Variants in CD99L2 observed in about 807,000 individuals in gnomAD.
CD99L2 encodes the protein CD99 molecule like 2.
Under a neutral mutation model 27.3 loss-of-function variants are expected in CD99L2, and 24 were observed. The observed-to-expected ratio is 0.88, with a 90% confidence interval of 0.64 to 1.24. The LOEUF (loss-of-function observed/expected upper bound fraction) is 1.24. Ranked by LOEUF, CD99L2 falls within the 50% of genes most tolerant of loss-of-function variation. CD99L2 has a pLI of 0.00. For synonymous variants in CD99L2, 97 were observed against 87.9 expected, an observed-to-expected ratio of 1.10 and a Z score of -0.58; for missense variants, 255 against 221.6, an observed-to-expected ratio of 1.15 and a Z score of -0.96.
At chrX:150,799,038 C>T (rs2045860246) in intron 4 of CD99L2, among the ~76,000 whole-genome samples, 1 of 112,399 alleles carries the variant, frequency 8.9e-6, no homozygotes, top group Admixed American at 9.4e-5. Flanking sequence ...GGCATGTGCA[C>T]CATGCTCAGC....
chrX:150,891,677 T>C (rs1445783348), intron 1 of CD99L2, among the ~76,000 whole-genome samples: 4 of 112,086 alleles, frequency 3.6e-5, no homozygotes, highest in African/African-American at 1.3e-4. Context: ...GGGCTCATTA[T>C]TATTCTTTCT....
intron 3 of CD99L2, among the ~76,000 whole-genome samples, chrX:150,815,719 T>G (rs2046143199): frequency 8.9e-6 from 1 of 112,024 alleles, no homozygotes; most frequent in Non-Finnish European, 1.9e-5. Context: ...CCTAAACAAT[T>G]ACATTTTCCC....
chrX:150,843,132 T>G (rs2046647039), intron 1 of CD99L2, among the ~76,000 whole-genome samples: 1 of 112,262 alleles, frequency 8.9e-6, no homozygotes, highest in South Asian at 3.7e-4. Context: ...GACCCCTGGC[T>G]GCCAAAGATT....
chrX:150,805,840 C>T (rs1315846871), intron 4 of CD99L2, among the ~76,000 whole-genome samples: 1 of 111,727 alleles, frequency 9.0e-6, no homozygotes, highest in Non-Finnish European at 1.9e-5. Flanking sequence ...CCAAATGCTA[C>T]AGATGGAGAA....
rs2043359465 is a variant in CD99L2 at position 150,768,985 on chromosome X, G to C, written c.*49C>G. ...CCAAATGAAGGGGTGGGGGGAGCCG[G>C]GTGACAAGCGGTGGCACCATTGTGC... On this transcript the variant is annotated 3_prime_UTR_variant, in exon 11 of 11. Coordinates refer to ENST00000370377, the MANE Select transcript of CD99L2 (RefSeq NM_031462.4). 9.0e-7 allele frequency: 1 copy of C among 1,114,008 alleles called. No homozygotes were observed. The highest frequency in any genetic ancestry group is 3.7e-5 in the Admixed American group (1 of 27,383). 91.8% of individuals were successfully genotyped at this position (1,114,008 alleles called of 1,213,427 possible). A position where few individuals can be genotyped will look rare whatever the true frequency, so the allele number is the denominator to read the frequency against.
chrX:150,881,942 T>C (rs201505719), intron 1 of CD99L2, among the ~76,000 whole-genome samples: 6 of 107,922 alleles, frequency 5.6e-5, no homozygotes, highest in Non-Finnish European at 7.7e-5. Context: ...CTCAGCCTCC[T>C]GAGTAGCTGG....
intron 1 of CD99L2, among the ~76,000 whole-genome samples, chrX:150,896,392 C>T (rs1459456675): frequency 9.0e-6 from 1 of 111,645 alleles, no homozygotes; most frequent in African/African-American, 3.3e-5. Context: ...AGCTAGACTC[C>T]GTCTCAAAAA....
intron 7 of CD99L2, among the ~76,000 whole-genome samples, chrX:150,785,858 T>A (rs1178047645): frequency 8.9e-6 from 1 of 112,457 alleles, no homozygotes; most frequent in Non-Finnish European, 1.9e-5. Flanking sequence ...TGTATCACAG[T>A]TTGTCGATCA....
chrX:150,872,331 G>C (rs1344151209), intron 1 of CD99L2, among the ~76,000 whole-genome samples: 3 of 109,857 alleles, frequency 2.7e-5, no homozygotes, highest in Non-Finnish European at 3.8e-5. Context: ...GACAGAAAAT[G>C]TTCTGTCTTG....
intron 1 of CD99L2, among the ~76,000 whole-genome samples, chrX:150,868,545 T>C (rs1311125453): frequency 8.9e-6 from 1 of 111,957 alleles, no homozygotes; most frequent in African/African-American, 3.2e-5. Context: ...GAAACATATA[T>C]TCTTGTTAAC....
In CD99L2 at chrX:150,793,358, G is replaced by C. The variant is rs145035313; in HGVS notation, c.496+333C>G. Reference sequence around the variant, plus strand: ...CATCCCAAGAGTGAGTGAGTCTCTTGAGGTTGAGAGGGCTGCTTTCAGAGT... The same window carrying C: ...CATCCCAAGAGTGAGTGAGTCTCTTCAGGTTGAGAGGGCTGCTTTCAGAGT... On this transcript the variant is annotated intron_variant, in intron 7 of 10. Coordinates refer to ENST00000370377, the MANE Select transcript of CD99L2 (RefSeq NM_031462.4). Among the ~76,000 whole-genome samples, 183 of 112,777 alleles carry C rather than the reference G, an allele frequency of 1.6e-3. 1 individual carries two copies. Among genetic ancestry groups the C allele is most frequent in the African/African-American group, 4.9e-3 (153 of 31,079 alleles).
rs533399557 is a variant in CD99L2 at position 150,803,403 on chromosome X, G to C, written c.278-7917C>G. 9.8e-5 allele frequency among the ~76,000 whole-genome samples: 11 copies of C among 111,899 alleles called. No individual in the cohort carries two copies. The South Asian group carries it at 4.1e-3, about 42-fold the overall frequency. On this transcript the variant is annotated intron_variant, in intron 4 of 10. Coordinates refer to ENST00000370377, the MANE Select transcript of CD99L2 (RefSeq NM_031462.4). ...ACACATCCTATCATAATCCCAGTAA[G>C]TTTTTTTCTAGACTAGGCAAAGACA...
intron 1 of CD99L2, among the ~76,000 whole-genome samples, chrX:150,858,546 G>C (rs1225613910): frequency 2.7e-5 from 3 of 112,098 alleles, no homozygotes; most frequent in Non-Finnish European, 3.8e-5. Flanking sequence ...ATAACAAGAA[G>C]AACTTTGGAA....
At chrX:150,771,676 A>G (rs1328033586) in intron 9 of CD99L2, 28 of 743,781 alleles carry the variant, frequency 3.8e-5, no homozygotes, top group Non-Finnish European at 5.1e-5. Context: ...GGTCCTGGTT[A>G]CAGCCACGTC....
intron 4 of CD99L2, among the ~76,000 whole-genome samples, chrX:150,814,149 C>CA (rs1557420409): frequency 8.9e-6 from 1 of 112,090 alleles, no homozygotes; most frequent in Non-Finnish European, 1.9e-5. Context: ...TGCAATGTTA[C>CA]AAAACCATGA....
intron 1 of CD99L2, among the ~76,000 whole-genome samples, chrX:150,836,166 A>G (rs900858969): frequency 1.8e-5 from 2 of 111,486 alleles, no homozygotes; most frequent in African/African-American, 6.5e-5. Context: ...ATCAGTTCTC[A>G]AGCAAACCAT....
chrX:150,887,913 A>G (rs1557422677), intron 1 of CD99L2, among the ~76,000 whole-genome samples: 1 of 112,303 alleles, frequency 8.9e-6, no homozygotes, highest in African/African-American at 3.2e-5. Context: ...CGCCATCACA[A>G]TAGAGCTACA....
At chrX:150,863,291 C>T (rs185593950) in intron 1 of CD99L2, among the ~76,000 whole-genome samples, 42 of 112,255 alleles carry the variant, frequency 3.7e-4, no homozygotes, top group Non-Finnish European at 7.3e-4. Flanking sequence ...GGAACCCAAA[C>T]CATAGGGAGG....
intron 1 of CD99L2, among the ~76,000 whole-genome samples, chrX:150,854,552 G>T (rs1474639842): frequency 3.6e-5 from 4 of 111,722 alleles, no homozygotes; most frequent in Non-Finnish European, 7.5e-5. Flanking sequence ...TGGAGAGAGG[G>T]TCTTAACAGA....
Sources: allele counts gnomAD v4.1 joint callset (sites outside exome capture counted in the v4.1 genomes callset), GRCh38; gene constraint gnomAD v4.1.1; transcripts MANE v1.5; gene names NCBI Gene and HGNC (gene_info 2026-07-23, HGNC 2026-07-21).